The following NRCAM variants were observed in gnomAD, a reference collection of about 807,000 sequenced individuals.
The protein encoded by NRCAM is neuronal cell adhesion molecule.
A neutral mutation model predicts 156.5 loss-of-function variants in NRCAM; 83 were observed. The observed-to-expected ratio is 0.53, with a 90% CI of 0.44 to 0.64. The LOEUF (loss-of-function observed/expected upper bound fraction) is 0.64. Among genes scored for constraint, NRCAM ranks in the 30% least tolerant of loss-of-function variants. The pLI is 0.00. For missense variants in NRCAM, 1,417 were observed against 1,597.3 expected (o/e 0.89, Z 1.92); for synonymous variants, 538 against 563.9 (o/e 0.95, Z 0.65).
intron 3 of NRCAM, among the ~76,000 whole-genome samples, chr7:108,249,704 C>T (rs2096216553): frequency 6.6e-6 from 1 of 152,224 alleles, no homozygotes; most frequent in Non-Finnish European, 1.5e-5. Context: ...ACAATGTTCT[C>T]TGTACTGTGA....
At chr7:108,422,445 A>G (rs1417606331) in intron 1 of NRCAM, among the ~76,000 whole-genome samples, 1 of 152,138 alleles carries the variant, frequency 6.6e-6, no homozygotes, top group Non-Finnish European at 1.5e-5. Context: ...CTTACTGAAT[A>G]CTCACTTACT....
intron 2 of NRCAM, among the ~76,000 whole-genome samples, chr7:108,350,276 A>G (rs1220451843): frequency 1.3e-5 from 2 of 152,210 alleles, no homozygotes; most frequent in African/African-American, 4.8e-5. Flanking sequence ...TCATGGTGAT[A>G]GACATTATCA....
chr7:108,418,564 C>T (rs1346294243), intron 1 of NRCAM, among the ~76,000 whole-genome samples: 1 of 62,358 alleles, frequency 1.6e-5, no homozygotes, highest in Non-Finnish European at 3.8e-5. Flanking sequence ...ATATTATACA[C>T]ACACACACAC....
intron 2 of NRCAM, among the ~76,000 whole-genome samples, chr7:108,363,468 C>T (rs961652882): frequency 2.0e-5 from 3 of 152,092 alleles, no homozygotes; most frequent in African/African-American, 4.8e-5. Context: ...CGCCATGTTG[C>T]CCAGGCTGGT....
chr7:108,411,570 AAAGT>A (rs1257507706), intron 1 of NRCAM, among the ~76,000 whole-genome samples: 3 of 152,116 alleles, frequency 2.0e-5, no homozygotes, highest in South Asian at 4.2e-4. Context: ...AATACAATAA[AAAGT>A]AAGTGAGTGC....
intron 3 of NRCAM, among the ~76,000 whole-genome samples, chr7:108,267,985 T>C (rs1590925867): frequency 1.2e-5 from 1 of 84,904 alleles, no homozygotes; most frequent in Admixed American, 1.3e-4. Context: ...TCTAGTCTTA[T>C]GGAATAAATG....
intron 2 of NRCAM, among the ~76,000 whole-genome samples, chr7:108,345,269 C>T (rs2099344545): frequency 6.6e-6 from 1 of 152,080 alleles, no homozygotes; most frequent in African/African-American, 2.4e-5. Flanking sequence ...CAGAAAGGTT[C>T]CTCAGTTATT....
chr7:108,456,458 C>A, upstream of NRCAM: 1 of 151,542 alleles, frequency 6.6e-6, no homozygotes, highest in South Asian at 2.0e-4. Context: ...GGCGCGCGCC[C>A]CCGCCGCTCC....
Position 108,149,718 on chromosome 7 carries a change from G to A in NRCAM, c.*192C>T, listed in dbSNP as rs1457386083. ...ATACCCATTTTGAATGAAAAAGTAT[G>A]CACTTTGCATTCCAGTTCATATTAA... On this transcript the variant is annotated 3_prime_UTR_variant, in exon 33 of 33. Transcript: ENST00000379028. 2 of 579,164 alleles carry A rather than the reference G, an allele frequency of 3.5e-6. No individual in the cohort carries two copies. The highest frequency in any genetic ancestry group is 3.4e-5 in the Admixed American group (1 of 29,756). 35.9% of individuals were successfully genotyped at this position (579,164 alleles called of 1,614,324 possible).
At chr7:108,212,892 C>T (rs1392640093) in intron 11 of NRCAM, among the ~76,000 whole-genome samples, 3 of 152,070 alleles carry the variant, frequency 2.0e-5, no homozygotes, top group South Asian at 2.1e-4. Context: ...ACAGGAAGCA[C>T]AAAGAACACC....
At chr7:108,308,511 G>C (rs2098751924) in intron 3 of NRCAM, among the ~76,000 whole-genome samples, 1 of 152,158 alleles carries the variant, frequency 6.6e-6, no homozygotes, top group Non-Finnish European at 1.5e-5. Flanking sequence ...TTTCAAACCA[G>C]ATATTTCTCC....
chr7:108,232,313 A>C lies in NRCAM; in HGVS notation c.427+13T>G. 6.3e-7 allele frequency: 1 copy of C among 1,583,528 alleles called. No homozygotes were observed. Among genetic ancestry groups the C allele is most frequent in the South Asian group, 1.2e-5 (1 of 86,278 alleles). On this transcript the variant is annotated intron_variant, in intron 7 of 32. Transcript: ENST00000379028. ...TTAAAAAGGGTCATGTTGGTTGACA[A>C]GTTTCCACTTACTGGATGGGCGGAC...
At chr7:108,229,580 G>A (rs565633097) in intron 8 of NRCAM, among the ~76,000 whole-genome samples, 7 of 152,140 alleles carry the variant, frequency 4.6e-5, no homozygotes, top group African/African-American at 1.7e-4. Context: ...CAGTCTCCCA[G>A]ACTCTGCTTT....
intron 1 of NRCAM, among the ~76,000 whole-genome samples, chr7:108,437,600 A>G (rs1337360157): frequency 6.6e-6 from 1 of 152,186 alleles, no homozygotes; most frequent in African/African-American, 2.4e-5. Flanking sequence ...AAAACAAAAC[A>G]AAAAACAACG....
chr7:108,187,915 A>C (rs902203186), intron 20 of NRCAM, among the ~76,000 whole-genome samples: 4 of 152,094 alleles, frequency 2.6e-5, no homozygotes, highest in Admixed American at 1.3e-4. Context: ...AGATCGCGCC[A>C]CTGCACTCCA....
intron 3 of NRCAM, among the ~76,000 whole-genome samples, chr7:108,255,120 A>T (rs1169747407): frequency 6.6e-6 from 1 of 152,120 alleles, no homozygotes; most frequent in Non-Finnish European, 1.5e-5. Context: ...TGCGGCATGG[A>T]TGAAACCTCA....
intron 32 of NRCAM, among the ~76,000 whole-genome samples, chr7:108,151,841 G>A (rs551443483): frequency 1.3e-5 from 2 of 152,222 alleles, no homozygotes; most frequent in East Asian, 1.9e-4. Context: ...TTCAATAACA[G>A]GCAGAATTTG....
chr7:108,245,390 C>T (rs1334104422), intron 3 of NRCAM, among the ~76,000 whole-genome samples: 1 of 152,194 alleles, frequency 6.6e-6, no homozygotes, highest in Admixed American at 6.5e-5. Context: ...CAGTGTTGCC[C>T]ATGGCACAAC....
At chr7:108,305,827 G>A (rs186110332) in intron 3 of NRCAM, among the ~76,000 whole-genome samples, 3 of 152,158 alleles carry the variant, frequency 2.0e-5, no homozygotes, top group South Asian at 2.1e-4. Context: ...TAAATAGATC[G>A]TATAATTAAA....
Sources: gnomAD v4.1 joint callset for allele counts (sites outside exome capture counted in the v4.1 genomes callset) on GRCh38, gnomAD v4.1.1 for gene constraint, MANE v1.5 for transcripts, NCBI Gene and HGNC (gene_info 2026-07-23, HGNC 2026-07-21) for gene names.